IARS2: variants seen among roughly 807,000 people sequenced by gnomAD.
IARS2 encodes the protein isoleucyl-tRNA synthetase 2, mitochondrial.
IARS2 carries 56 observed loss-of-function variants against 126.3 expected under a neutral mutation model. That is an observed-to-expected ratio of 0.44 (90% CI 0.36 to 0.55). IARS2 has a LOEUF of 0.55. IARS2 is among the 20% of genes least tolerant of loss of function. IARS2 has a pLI of 0.00. For synonymous variants in IARS2, 407 were observed against 441.1 expected, an observed-to-expected ratio of 0.92 and a Z score of 0.97; for missense variants, 1,127 against 1,245.9, an observed-to-expected ratio of 0.90 and a Z score of 1.44.
In IARS2 at chr1:220,112,196, G is replaced by A. The variant is rs958887470; in HGVS notation, c.1479+1259G>A. 2.4e-4 allele frequency among the ~76,000 whole-genome samples: 14 copies of A among 59,558 alleles called. 1 individual carries two copies. Among genetic ancestry groups the A allele is most frequent in the Admixed American group, 2.1e-3 (12 of 5,700 alleles). The allele number at this position is 59,558 out of a possible 152,430, so 39.1% of individuals were successfully genotyped here. A position where few individuals can be genotyped will look rare whatever the true frequency, so the allele number is the denominator to read the frequency against. On this transcript the variant is annotated intron_variant, in intron 11 of 22. Coordinates refer to ENST00000366922, the MANE Select transcript of IARS2 (RefSeq NM_018060.4). ...AGGTCGGACTGCGGACTGCAGTGGCGCAATCTCGGCTCACTGCAAGCTCCG... is the reference window on the plus strand; with the variant it reads ...AGGTCGGACTGCGGACTGCAGTGGCACAATCTCGGCTCACTGCAAGCTCCG...
chr1:220,142,034 C>T, intron 20 of IARS2, 86 bp downstream of exon 20: 1 of 1,296,274 alleles, frequency 7.7e-7, no homozygotes, highest in Non-Finnish European at 1.1e-6. Context: ...ATAAAAGGGG[C>T]ACTTATCCAT....
intron 12 of IARS2, 93 bp downstream of exon 12, chr1:220,114,567 T>C: frequency 1.1e-6 from 1 of 924,094 alleles, no homozygotes; most frequent in Non-Finnish European, 1.6e-6. Flanking sequence ...GAACCGTTTA[T>C]ATATGTTAAA....
rs186504355 is a variant in IARS2 at position 220,113,758 on chromosome 1, C to T, written c.1480-556C>T. 8.5e-3 allele frequency among the ~76,000 whole-genome samples: 1,293 copies of T among 152,270 alleles called. 7 individuals carry two copies. Among genetic ancestry groups the T allele is most frequent in the Middle Eastern group, 0.031 (9 of 292 alleles). On this transcript the variant is annotated intron_variant, in intron 11 of 22. Transcript: ENST00000366922. ...CTCTTGGGCTCAAGTGATCCTCCCA[C>T]CTCAGCCTACCAAAATGCTGGGATT...
intron 21 of IARS2, among the ~76,000 whole-genome samples, chr1:220,144,571 A>G (rs563508154): frequency 3.9e-5 from 6 of 152,310 alleles, no homozygotes; most frequent in African/African-American, 1.4e-4. Context: ...TCATTTTACA[A>G]GTGAGGAAGT....
chr1:220,097,363 T>G (rs1046160267), intron 2 of IARS2, among the ~76,000 whole-genome samples: 1 of 134,616 alleles, frequency 7.4e-6, no homozygotes, highest in African/African-American at 3.2e-5. Context: ...CAGTTCTTTT[T>G]TCTTTTTTTT....
intron 12 of IARS2, among the ~76,000 whole-genome samples, chr1:220,119,554 T>A (rs767489458): frequency 6.6e-6 from 1 of 152,114 alleles, no homozygotes; most frequent in Admixed American, 6.5e-5. Context: ...GAAAATTGTT[T>A]AAAAATTTTT....
At chr1:220,099,199 G>A (rs1656513737) in intron 2 of IARS2, among the ~76,000 whole-genome samples, 2 of 135,456 alleles carry the variant, frequency 1.5e-5, no homozygotes, top group African/African-American at 2.8e-5. Flanking sequence ...GCGACAGAGC[G>A]AGACTCCGTC....
At chr1:220,140,757 G>A (rs1321164828) in intron 19 of IARS2, among the ~76,000 whole-genome samples, 2 of 152,072 alleles carry the variant, frequency 1.3e-5, no homozygotes, top group Non-Finnish European at 2.9e-5. Context: ...GGCCGAGGCG[G>A]GCGGATCACG....
At chr1:220,129,487 G>A (rs1657217630) in intron 14 of IARS2, among the ~76,000 whole-genome samples, 2 of 151,944 alleles carry the variant, frequency 1.3e-5, no homozygotes, top group African/African-American at 2.4e-5. Context: ...TATCCTCATT[G>A]ACCAAACTCT....
chr1:220,139,252 C>CCTG, intron 18 of IARS2, 113 bp downstream of exon 18: 2 of 683,306 alleles, frequency 2.9e-6, no homozygotes, highest in Non-Finnish European at 4.6e-6. Context: ...AACTATAGCA[C>CCTG]TCTTGAAGAG....
intron 3 of IARS2, among the ~76,000 whole-genome samples, chr1:220,101,661 A>G (rs995851922): frequency 6.6e-6 from 1 of 151,102 alleles, no homozygotes; most frequent in African/African-American, 2.4e-5. Context: ...GAGATCCGCC[A>G]CTGCATGCCA....
At chr1:220,106,940 GA>G in intron 9 of IARS2, 120 bp from the exon 10 acceptor site, 1 of 738,554 alleles carries the variant, frequency 1.4e-6, no homozygotes, top group South Asian at 1.7e-5. Flanking sequence ...CAAGTACCTA[GA>G]ATTTCAATGT....
In IARS2 at chr1:220,094,271, C is replaced by G. The variant is rs773732328; in HGVS notation, c.55C>G (p.Arg19Gly). ...GPGAAALATA[R>G]SLWGTPRLPC... ...GGGCGCGGCCGCCCTGGCCACTGCC[C>G]GAAGTTTGTGGGGGACGCCCCGCCT... Residue 19 changes from arginine (R) to glycine (G), a missense_variant, in exon 1 of 23, where the codon CGA (arginine) becomes GGA (glycine). Transcript: ENST00000366922. The G allele has an allele frequency of 9.3e-6, 15 of 1,609,152 alleles. No homozygotes were observed. The highest frequency in any genetic ancestry group is 2.7e-5 in the African/African-American group (2 of 74,722).
In IARS2 at chr1:220,147,994, T is replaced by A; in HGVS notation, c.*359T>A. 2.6e-6 allele frequency: 1 copy of A among 387,214 alleles called. No homozygotes were observed. The highest frequency in any genetic ancestry group is 3.6e-5 in the East Asian group (1 of 27,626). The allele number at this position is 387,214 out of a possible 1,614,324, so 24.0% of individuals were successfully genotyped here. On this transcript the variant is annotated 3_prime_UTR_variant, in exon 23 of 23. Coordinates refer to ENST00000366922, the MANE Select transcript of IARS2 (RefSeq NM_018060.4). ...TATTTTATAAATCATCTTTTGACTC[T>A]GTATTTAAATTCTATGATACTGAAA... is the stretch of plus-strand genomic sequence containing the variant.
intron 12 of IARS2, among the ~76,000 whole-genome samples, chr1:220,124,097 C>A (rs1413168078): frequency 6.6e-6 from 1 of 152,220 alleles, no homozygotes; most frequent in Non-Finnish European, 1.5e-5. Context: ...AAGCCCCCTG[C>A]TGGCAGGATC....
chr1:220,110,200 G>T (rs1656768851), intron 10 of IARS2, among the ~76,000 whole-genome samples: 1 of 151,940 alleles, frequency 6.6e-6, no homozygotes, highest in Admixed American at 6.6e-5. Context: ...TGGGATTACA[G>T]GCTCACACCA....
At chr1:220,096,447 T>C (rs1054839927) in intron 2 of IARS2, among the ~76,000 whole-genome samples, 2 of 152,164 alleles carry the variant, frequency 1.3e-5, no homozygotes, top group East Asian at 1.9e-4. Context: ...TCTTATTCAG[T>C]GCATAATTAT....
intron 12 of IARS2, among the ~76,000 whole-genome samples, chr1:220,117,580 G>T (rs989505628): frequency 1.3e-5 from 2 of 151,952 alleles, no homozygotes; most frequent in East Asian, 3.9e-4. Context: ...ATTCCTTGGT[G>T]GAATAGCCCT....
intron 11 of IARS2, among the ~76,000 whole-genome samples, chr1:220,111,592 A>G (rs1054726151): frequency 7.1e-6 from 1 of 140,976 alleles, no homozygotes; most frequent in African/African-American, 2.7e-5. Context: ...ATATATATAT[A>G]TATATATGTG....
Sources: gnomAD v4.1 joint callset for allele counts (sites outside exome capture counted in the v4.1 genomes callset) on GRCh38, gnomAD v4.1.1 for gene constraint, MANE v1.5 for transcripts, NCBI Gene and HGNC (gene_info 2026-07-23, HGNC 2026-07-21) for gene names.